The following TRPC1 variants were observed in gnomAD, a reference collection of about 807,000 sequenced individuals.
TRPC1 encodes transient receptor potential cation channel subfamily C member 1, also known as short transient receptor potential channel 1.
In TRPC1, 42 loss-of-function variants were observed where a neutral mutation model predicts 88.2. That is an observed-to-expected ratio of 0.48 (90% CI 0.37 to 0.62). TRPC1 has a LOEUF of 0.62. TRPC1 is among the 20% of genes least tolerant of loss of function. TRPC1 has a pLI of 0.00. For synonymous variants in TRPC1, 288 were observed against 331.8 expected, an observed-to-expected ratio of 0.87 and a Z score of 1.43; for missense variants, 699 against 957.3, an observed-to-expected ratio of 0.73 and a Z score of 3.56.
chr3:142,769,841 A>G (rs1047545549), intron 4 of TRPC1, among the ~76,000 whole-genome samples: 3 of 152,128 alleles, frequency 2.0e-5, no homozygotes, highest in South Asian at 2.1e-4. Flanking sequence ...TGAGAAGAGT[A>G]TATAATCTGC....
intron 6 of TRPC1, 66 bp from the exon 7 acceptor site, chr3:142,784,638 C>A: frequency 1.6e-6 from 2 of 1,220,588 alleles, no homozygotes; most frequent in Non-Finnish European, 2.3e-6. Context: ...TGAATATCAA[C>A]CAATCAGTAT....
intron 3 of TRPC1, among the ~76,000 whole-genome samples, chr3:142,744,065 T>G (rs1330019121): frequency 1.3e-5 from 2 of 152,058 alleles, no homozygotes; most frequent in African/African-American, 4.8e-5. Context: ...AGAAAGCAGA[T>G]GAATAACTGG....
At chr3:142,765,926 G>A in intron 4 of TRPC1, among the ~76,000 whole-genome samples, 1 of 151,808 alleles carries the variant, frequency 6.6e-6, no homozygotes. Flanking sequence ...ACATACATGT[G>A]GCCAACAAGC....
intron 4 of TRPC1, among the ~76,000 whole-genome samples, chr3:142,749,843 A>C (rs1934691333): frequency 6.6e-6 from 1 of 152,130 alleles, no homozygotes; most frequent in Non-Finnish European, 1.5e-5. Flanking sequence ...TATTTAATAA[A>C]TATGTTGGGA....
At chr3:142,753,332 T>C (rs1053048748) in intron 4 of TRPC1, among the ~76,000 whole-genome samples, 7 of 152,200 alleles carry the variant, frequency 4.6e-5, no homozygotes, top group Admixed American at 1.3e-4. Context: ...GCAAATGGTT[T>C]GGAACATTAA....
chr3:142,763,134 T>C (rs995195045), intron 4 of TRPC1, among the ~76,000 whole-genome samples: 2 of 152,154 alleles, frequency 1.3e-5, no homozygotes, highest in Non-Finnish European at 2.9e-5. Context: ...AAAGAATGTA[T>C]ATTCTGTAGC....
In TRPC1 at chr3:142,743,590, A is replaced by T. The variant is rs1281542407; in HGVS notation, c.429+4A>T. On this transcript the variant is annotated splice_donor_region_variant and intron_variant, in intron 3 of 12. Transcript: ENST00000476941. ...ATCATCAAGACCAACTATAGTAGTTAGTACTCTTAAATATTTATTAATTTG... is the reference window on the plus strand; with the variant it reads ...ATCATCAAGACCAACTATAGTAGTTTGTACTCTTAAATATTTATTAATTTG... The T allele has an allele frequency of 9.5e-6, 14 of 1,467,966 alleles. No individual in the cohort carries two copies. Among genetic ancestry groups the T allele is most frequent in the Non-Finnish European group, 1.3e-5 (14 of 1,111,974 alleles). The allele number at this position is 1,467,966 out of a possible 1,614,324, so 90.9% of individuals were successfully genotyped here. A position where few individuals can be genotyped will look rare whatever the true frequency, so the allele number is the denominator to read the frequency against.
At chr3:142,795,070 C>A (rs574514981) in intron 9 of TRPC1, among the ~76,000 whole-genome samples, 14 of 151,992 alleles carry the variant, frequency 9.2e-5, no homozygotes, top group Non-Finnish European at 1.8e-4. Flanking sequence ...TCACTGTGAC[C>A]TGAAACATGC....
At chr3:142,755,776 C>A (rs534877721) in intron 4 of TRPC1, among the ~76,000 whole-genome samples, 1 of 152,128 alleles carries the variant, frequency 6.6e-6, no homozygotes, top group East Asian at 1.9e-4. Flanking sequence ...CATAGGGCCT[C>A]AAAAAAGGCT....
chr3:142,802,104 C>A, intron 9 of TRPC1, 65 bp from the exon 10 acceptor site: 1 of 1,139,250 alleles, frequency 8.8e-7, no homozygotes, highest in East Asian at 2.7e-5. Context: ...GTTGCTGGGT[C>A]ATTTATATTT....
Position 142,752,896 on chromosome 3 carries a change from G to A in TRPC1, c.632+4436G>A, listed in dbSNP as rs1934825502. Among the ~76,000 whole-genome samples the A allele has an allele frequency of 2.0e-5, 3 of 152,160 alleles. No individual in the cohort carries two copies. In the South Asian group the frequency reaches 6.2e-4, roughly 32 times the overall value. On this transcript the variant is annotated intron_variant, in intron 4 of 12. Transcript: ENST00000476941. Reference sequence around the variant, plus strand: ...TTGATTTTATACAACACATGTTTTTGTGAGCTCCAAGTTGAGTCAAAGTGG... The same window carrying A: ...TTGATTTTATACAACACATGTTTTTATGAGCTCCAAGTTGAGTCAAAGTGG...
intron 4 of TRPC1, among the ~76,000 whole-genome samples, chr3:142,766,583 T>C (rs2108086529): frequency 6.6e-6 from 1 of 152,002 alleles, no homozygotes; most frequent in Admixed American, 6.6e-5. Context: ...GTATTTTTAG[T>C]ATGGCCAGGC....
chr3:142,780,165 A>G (rs1935914388), intron 5 of TRPC1, among the ~76,000 whole-genome samples: 9 of 152,122 alleles, frequency 5.9e-5, no homozygotes, highest in Admixed American at 5.9e-4. Context: ...ATATTTTTTA[A>G]AAGAATTATA....
At chr3:142,772,154 T>G (rs1345686862) in intron 4 of TRPC1, among the ~76,000 whole-genome samples, 1 of 152,202 alleles carries the variant, frequency 6.6e-6, no homozygotes, top group Non-Finnish European at 1.5e-5. Flanking sequence ...CTCTTTGCAT[T>G]TATCCTACTT....
intron 4 of TRPC1, among the ~76,000 whole-genome samples, chr3:142,751,701 A>G (rs997142532): frequency 6.6e-6 from 1 of 152,188 alleles, no homozygotes; most frequent in Non-Finnish European, 1.5e-5. Context: ...AAGGATTGTT[A>G]AACAGTATAT....
chr3:142,759,125 A>G (rs1577969659), intron 4 of TRPC1, among the ~76,000 whole-genome samples: 1 of 152,134 alleles, frequency 6.6e-6, no homozygotes, highest in South Asian at 2.1e-4. Flanking sequence ...GAATAATGCC[A>G]CAATAAACAT....
At chr3:142,745,208 T>C (rs903786857) in intron 3 of TRPC1, among the ~76,000 whole-genome samples, 12 of 152,200 alleles carry the variant, frequency 7.9e-5, no homozygotes, top group African/African-American at 2.7e-4. Context: ...CTGCCACTTA[T>C]CTTGCAGTTA....
intron 4 of TRPC1, among the ~76,000 whole-genome samples, chr3:142,777,149 A>C (rs1488670341): frequency 6.6e-6 from 1 of 152,102 alleles, no homozygotes; most frequent in African/African-American, 2.4e-5. Flanking sequence ...TGTCTCTATA[A>C]AAATTTTAAA....
At chr3:142,785,067 T>C (rs1410071272) in intron 7 of TRPC1, 27 bp downstream of exon 7, 1 of 1,521,466 alleles carries the variant, frequency 6.6e-7, no homozygotes, top group Non-Finnish European at 8.8e-7. Context: ...TTTGAAAGGT[T>C]TTGTCTTTAT....
Sources: gnomAD v4.1 joint callset for allele counts (sites outside exome capture counted in the v4.1 genomes callset) on GRCh38, gnomAD v4.1.1 for gene constraint, MANE v1.5 for transcripts, NCBI Gene and HGNC (gene_info 2026-07-23, HGNC 2026-07-21) for gene names.